The following ALK variants were observed in gnomAD, a reference collection of about 807,000 sequenced individuals.
ALK encodes the protein ALK receptor tyrosine kinase.
Under a neutral mutation model 163.1 loss-of-function variants are expected in ALK, and 74 were observed. That is an observed-to-expected ratio of 0.45 (90% CI 0.38 to 0.55). The LOEUF (loss-of-function observed/expected upper bound fraction) is 0.55. Among genes scored for constraint, ALK ranks in the 20% least tolerant of loss-of-function variants. The probability of loss-of-function intolerance (pLI) is 0.00; values close to 1 mark genes in which losing one functional copy is unlikely to be tolerated. For synonymous variants in ALK, 960 were observed against 843.2 expected (o/e 1.14, Z -2.40); for missense variants, 2,063 against 2,105.3 (o/e 0.98, Z 0.39).
At chr2:29,229,188 C>T (rs1664115715) in intron 15 of ALK, 122 bp from the exon 16 acceptor site, 2 of 861,144 alleles carry the variant, frequency 2.3e-6, no homozygotes, top group Non-Finnish European at 3.9e-6. Flanking sequence ...GCTCCCGGGG[C>T]CCATCTTCAG....
At chr2:29,801,854 C>T (rs1483477077) in intron 1 of ALK, among the ~76,000 whole-genome samples, 2 of 152,166 alleles carry the variant, frequency 1.3e-5, no homozygotes, top group African/African-American at 4.8e-5. Flanking sequence ...CTGAAGGTCA[C>T]TTGACTCTTA....
At chr2:29,885,495 G>A (rs925608430) in intron 1 of ALK, among the ~76,000 whole-genome samples, 3 of 151,732 alleles carry the variant, frequency 2.0e-5, no homozygotes, top group South Asian at 2.1e-4. Flanking sequence ...ACCATGCCCA[G>A]GTTTTGTATA....
At chr2:29,547,512 G>C (rs780823584) in intron 3 of ALK, among the ~76,000 whole-genome samples, 1 of 152,176 alleles carries the variant, frequency 6.6e-6, no homozygotes, top group South Asian at 2.1e-4. Context: ...CAGGAGAATC[G>C]CTTGAACCAG....
In ALK at chr2:29,388,307, T is replaced by G. The variant is rs565541460; in HGVS notation, c.1155-4448A>C. ...AACACGTGAGGACCATGAGTGGCAGTTGACAAGACAGGGAACATCATACTT... is the reference window on the plus strand; with the variant it reads ...AACACGTGAGGACCATGAGTGGCAGGTGACAAGACAGGGAACATCATACTT... On this transcript the variant is annotated intron_variant, in intron 4 of 28. Transcript: ENST00000389048. Among the ~76,000 whole-genome samples the G allele has an allele frequency of 2.6e-4, 39 of 152,258 alleles. 1 individual carries two copies. The East Asian group carries it at 5.2e-3, about 20-fold the overall frequency.
chr2:29,840,092 G>A (rs1400736335), intron 1 of ALK, among the ~76,000 whole-genome samples: 4 of 152,176 alleles, frequency 2.6e-5, no homozygotes. Flanking sequence ...ATTCTTAACT[G>A]CTACGTTATA....
At chr2:29,705,884 A>AT (rs1378279703) in intron 2 of ALK, among the ~76,000 whole-genome samples, 1 of 152,196 alleles carries the variant, frequency 6.6e-6, no homozygotes, top group African/African-American at 2.4e-5. Flanking sequence ...CAGAGAGCAC[A>AT]TAAGAGGGAG....
chr2:29,916,158 C>T (rs112162920), intron 1 of ALK, among the ~76,000 whole-genome samples: 31 of 152,330 alleles, frequency 2.0e-4, no homozygotes, highest in African/African-American at 7.0e-4. Context: ...ACCCACATCT[C>T]ACCTGACTCC....
At chr2:29,283,990 T>C (rs1460852611) in intron 9 of ALK, among the ~76,000 whole-genome samples, 1 of 152,184 alleles carries the variant, frequency 6.6e-6, no homozygotes, top group African/African-American at 2.4e-5. Flanking sequence ...TCACGTTATT[T>C]ACTGACCGGG....
At chr2:29,487,430 C>A (rs1371612644) in intron 4 of ALK, among the ~76,000 whole-genome samples, 1 of 152,144 alleles carries the variant, frequency 6.6e-6, no homozygotes, top group Non-Finnish European at 1.5e-5. Context: ...CAAGTACTAG[C>A]TTAGAGCTTG....
chr2:29,405,855 G>A (rs1165000379), intron 4 of ALK, among the ~76,000 whole-genome samples: 2 of 152,144 alleles, frequency 1.3e-5, no homozygotes, highest in African/African-American at 4.8e-5. Flanking sequence ...GCAGGTCCTG[G>A]CCCTTTAAGA....
intron 11 of ALK, among the ~76,000 whole-genome samples, chr2:29,270,059 T>C (rs761157483): frequency 6.6e-6 from 1 of 151,838 alleles, no homozygotes; most frequent in Non-Finnish European, 1.5e-5. Flanking sequence ...TGAAGACCTA[T>C]TCAGTAATGA....
At chr2:29,513,466 A>T (rs1416352112) in intron 4 of ALK, among the ~76,000 whole-genome samples, 21 of 148,034 alleles carry the variant, frequency 1.4e-4, no homozygotes, top group African/African-American at 4.3e-4. Flanking sequence ...CTGAAACTGG[A>T]TCCCTTCCTT....
intron 1 of ALK, among the ~76,000 whole-genome samples, chr2:29,911,655 C>A (rs1470128547): frequency 1.3e-5 from 2 of 152,168 alleles, no homozygotes; most frequent in African/African-American, 4.8e-5. Flanking sequence ...AGACTCAAAG[C>A]AGAATAACAA....
chr2:29,342,187 AC>A (rs1385143925), intron 5 of ALK, among the ~76,000 whole-genome samples: 1 of 152,166 alleles, frequency 6.6e-6, no homozygotes, highest in Non-Finnish European at 1.5e-5. Flanking sequence ...AGAAATTTGA[AC>A]CCTTGTGTGT....
At chr2:29,836,433 T>C (rs553585863) in intron 1 of ALK, among the ~76,000 whole-genome samples, 113 of 152,212 alleles carry the variant, frequency 7.4e-4, no homozygotes, top group Non-Finnish European at 1.4e-3. Flanking sequence ...ACACTGCTAG[T>C]CACCATGAAA....
chr2:29,660,661 G>A (rs914223597), intron 3 of ALK, among the ~76,000 whole-genome samples: 1 of 134,672 alleles, frequency 7.4e-6, no homozygotes, highest in Non-Finnish European at 1.7e-5. Context: ...GAGAGAAACG[G>A]CCCAGGGAGA....
chr2:29,690,768 A>G (rs1678372225), intron 3 of ALK, among the ~76,000 whole-genome samples: 1 of 152,202 alleles, frequency 6.6e-6, no homozygotes, highest in South Asian at 2.1e-4. Context: ...ATAGTTCATT[A>G]TCTTTGATTG....
chr2:29,766,065 CTAATA>C (rs1553358754), intron 1 of ALK, among the ~76,000 whole-genome samples: 4 of 152,190 alleles, frequency 2.6e-5, no homozygotes, highest in Non-Finnish European at 5.9e-5. Flanking sequence ...ATATATATCA[CTAATA>C]TAATTTTAAT....
intron 5 of ALK, among the ~76,000 whole-genome samples, chr2:29,356,993 A>G (rs910703472): frequency 5.9e-5 from 9 of 152,086 alleles, no homozygotes; most frequent in African/African-American, 1.4e-4. Context: ...GCCACAACAA[A>G]CTACTCACAG....
Sources: gnomAD v4.1 joint callset for allele counts (sites outside exome capture counted in the v4.1 genomes callset) on GRCh38, gnomAD v4.1.1 for gene constraint, MANE v1.5 for transcripts, NCBI Gene and HGNC (gene_info 2026-07-23, HGNC 2026-07-21) for gene names.